Variants in ANKRD12 observed in about 807,000 individuals in gnomAD.
The protein encoded by ANKRD12 is ankyrin repeat domain 12, also known as ankyrin repeat domain-containing protein 12.
A neutral mutation model predicts 183.4 loss-of-function variants in ANKRD12; 85 were observed. The observed-to-expected ratio is 0.46, with a 90% confidence interval of 0.39 to 0.56. The LOEUF is 0.56. ANKRD12 is among the 20% of genes least tolerant of loss of function. The pLI is 0.00. For synonymous variants in ANKRD12, 914 were observed against 800.2 expected (o/e 1.14, Z -2.40); for missense variants, 2,405 against 2,357.1 (o/e 1.02, Z -0.42).
At chr18:9,155,463 T>TAC (rs1352798882) in intron 1 of ANKRD12, among the ~76,000 whole-genome samples, 4 of 152,258 alleles carry the variant, frequency 2.6e-5, no homozygotes, top group Admixed American at 2.0e-4. Flanking sequence ...TTTGTGTAAG[T>TAC]ACACCTGTAG....
At chr18:9,262,047 A>G (rs2038998542) in intron 9 of ANKRD12, among the ~76,000 whole-genome samples, 2 of 152,238 alleles carry the variant, frequency 1.3e-5, no homozygotes, top group Admixed American at 6.5e-5. Context: ...GGTCAGTTCC[A>G]GTAAGTTGTT....
chr18:9,255,523 CAA>C lies in ANKRD12; in HGVS notation c.2257_2258del (p.Lys753AspfsTer2). The C allele has an allele frequency of 1.3e-6, 2 of 1,569,926 alleles. No homozygotes were observed. The highest frequency in any genetic ancestry group is 1.7e-6 in the Non-Finnish European group (2 of 1,166,236). ...KERNFKEERD[K>X]IKKESEKSFR... ...AGAGGAACTTTAAAGAGGAACGAGA[CAA>C]GATTAAAAAGGAAAGCGAGAAATCT... On this transcript the variant is annotated frameshift_variant, in exon 9 of 13. Transcript: ENST00000262126. LOFTEE classifies it high-confidence loss of function.
chr18:9,214,989 C>T (rs1476717821), intron 6 of ANKRD12, among the ~76,000 whole-genome samples: 1 of 151,942 alleles, frequency 6.6e-6, no homozygotes, highest in African/African-American at 2.4e-5. Context: ...AATTTAACGC[C>T]AGCAAAGGAT....
rs1250244082 is a variant in ANKRD12, at chr18:9,256,636, A to G, written c.3369A>G (p.Lys1123=). ...RNCLELKIKD[K]EKTKHTPTES... The stretch of plus-strand genomic sequence containing the variant: ...GTTTAGAACTTAAAATAAAAGATAA[A>G]GAAAAAACAAAGCATACACCAACTG... The change falls in exon 9 of 13, where the codon AAA becomes AAG. Residue 1123 remains lysine, a synonymous_variant. Transcript: ENST00000262126. The G allele has an allele frequency of 1.2e-6, 2 of 1,606,732 alleles. No homozygotes were observed. Among genetic ancestry groups the G allele is most frequent in the South Asian group, 1.1e-5 (1 of 88,808 alleles).
chr18:9,219,008 A>G (rs2036271061), intron 7 of ANKRD12, among the ~76,000 whole-genome samples: 1 of 152,122 alleles, frequency 6.6e-6, no homozygotes, highest in Admixed American at 6.5e-5. Flanking sequence ...GTTCTATTTT[A>G]GATACGTATC....
At chr18:9,188,306 T>C (rs2034236910) in intron 2 of ANKRD12, among the ~76,000 whole-genome samples, 8 of 152,214 alleles carry the variant, frequency 5.3e-5, no homozygotes, top group Admixed American at 5.2e-4. Flanking sequence ...GCCTGAACTT[T>C]TCCCTAGAAG....
intron 3 of ANKRD12, 63 bp downstream of exon 3, chr18:9,195,761 T>C: frequency 1.6e-5 from 24 of 1,487,596 alleles, no homozygotes; most frequent in Non-Finnish European, 2.2e-5. Flanking sequence ...TTTTTGTTTC[T>C]TGTACACCAC....
In ANKRD12 at chr18:9,226,726, T is replaced by C. The variant is rs181752892; in HGVS notation, c.943+4727T>C. ...TTTACATCATCAAAGGAAGGAGATA[T>C]GGCCATATCTGCCTCCAGATGTGAT... On this transcript the variant is annotated intron_variant, in intron 8 of 12. Transcript: ENST00000262126. 2.8e-3 allele frequency among the ~76,000 whole-genome samples: 424 copies of C among 152,230 alleles called. 1 individual carries two copies. The highest frequency in any genetic ancestry group is 9.8e-3 in the African/African-American group (409 of 41,544).
At chr18:9,173,828 G>A (rs565188075) in intron 1 of ANKRD12, among the ~76,000 whole-genome samples, 146 of 152,340 alleles carry the variant, frequency 9.6e-4, no homozygotes, top group African/African-American at 3.5e-3. Flanking sequence ...ACTCTCCAGA[G>A]CCAGCCCGCT....
At chr18:9,239,223 A>G (rs1050470000) in intron 8 of ANKRD12, among the ~76,000 whole-genome samples, 2 of 152,234 alleles carry the variant, frequency 1.3e-5, no homozygotes, top group African/African-American at 2.4e-5. Context: ...CCCTCTGGAT[A>G]TTAAGAAATC....
At chr18:9,209,591 C>A (rs1227149929) in intron 5 of ANKRD12, among the ~76,000 whole-genome samples, 1 of 152,036 alleles carries the variant, frequency 6.6e-6, no homozygotes, top group African/African-American at 2.4e-5. Context: ...AAAGCATGAG[C>A]GTATCTAATA....
chr18:9,230,104 A>T (rs892628727), intron 8 of ANKRD12, among the ~76,000 whole-genome samples: 1 of 152,166 alleles, frequency 6.6e-6, no homozygotes, highest in African/African-American at 2.4e-5. Flanking sequence ...ATGCTTTGGT[A>T]GAATTCTGCA....
At chr18:9,215,708 T>C (rs904891426) in intron 6 of ANKRD12, among the ~76,000 whole-genome samples, 1 of 145,790 alleles carries the variant, frequency 6.9e-6, no homozygotes, top group Non-Finnish European at 1.5e-5. Context: ...CTGTGAAAGC[T>C]CTCTCCTCCT....
chr18:9,164,258 T>C lies in ANKRD12; in HGVS notation c.-51-18124T>C, dbSNP rs140527971. 1.4e-3 allele frequency among the ~76,000 whole-genome samples: 208 copies of C among 152,340 alleles called. 1 individual carries two copies. The highest frequency in any genetic ancestry group is 4.9e-3 in the African/African-American group (202 of 41,580). On this transcript the variant is annotated intron_variant, in intron 1 of 12. Coordinates refer to ENST00000262126, the MANE Select transcript of ANKRD12 (RefSeq NM_015208.5). ...GATGTTGAATTTTCTGAAGGCCTTT[T>C]CTGCATCTGTTGAGATAATCATGTG...
At position 9,257,780 on chromosome 18, in the gene ANKRD12, A is replaced by AT; in HGVS notation, c.4516dup (p.Ser1506PhefsTer2). ...CCAATCACTTTCAGATGCTGAATCG[A>AT]TTTCTAAACATATGTCTTTGTCATA... On this transcript the variant is annotated frameshift_variant, in exon 9 of 13. Coordinates refer to ENST00000262126, the MANE Select transcript of ANKRD12 (RefSeq NM_015208.5). LOFTEE classifies it high-confidence loss of function. The AT allele has an allele frequency of 6.2e-7, 1 of 1,613,998 alleles. No homozygotes were observed. The highest frequency in any genetic ancestry group is 8.5e-7 in the Non-Finnish European group (1 of 1,179,982).
chr18:9,160,075 G>A (rs954254616), intron 1 of ANKRD12, among the ~76,000 whole-genome samples: 22 of 152,038 alleles, frequency 1.4e-4, no homozygotes, highest in African/African-American at 4.6e-4. Flanking sequence ...TTTGAGACCA[G>A]CCTGGGCAAC....
chr18:9,258,399 G>C lies in ANKRD12; in HGVS notation c.5132G>C (p.Gly1711Ala), dbSNP rs1364149678. 1 of 1,613,712 alleles carries C rather than the reference G, an allele frequency of 6.2e-7. No homozygotes were observed. Among genetic ancestry groups the C allele is most frequent in the Non-Finnish European group, 8.5e-7 (1 of 1,179,924 alleles). The change falls in exon 9 of 13, where the codon GGT (glycine) becomes GCT (alanine). Residue 1711 changes from glycine to alanine, a missense_variant. Physicochemically the swap from Gly to Ala is moderately conservative, Grantham distance 60 (BLOSUM62 0). Around this residue, in one of 7 missense-constraint regions of ANKRD12, gnomAD observed 1,983 missense variants for 1,725.9 expected, o/e 1.15. Coordinates refer to ENST00000262126, the MANE Select transcript of ANKRD12 (RefSeq NM_015208.5). ...QSTQPEMHKY[G>A]QLVKVELEEN... ...ACTCAACCAGAAATGCATAAATATG[G>C]TCAGTTAGTTAAAGTAGAATTAGAA...
At chr18:9,177,035 A>C (rs1395246306) in intron 1 of ANKRD12, among the ~76,000 whole-genome samples, 2 of 152,250 alleles carry the variant, frequency 1.3e-5, no homozygotes, top group Non-Finnish European at 2.9e-5. Flanking sequence ...AACATCTTCG[A>C]AGGCAGAATA....
chr18:9,254,083 C>T, intron 8 of ANKRD12, 128 bp from the exon 9 acceptor site: 1 of 1,072,788 alleles, frequency 9.3e-7, no homozygotes, highest in Non-Finnish European at 1.2e-6. Flanking sequence ...CCATATAAAT[C>T]TGAAGTGATT....
Sources: allele counts gnomAD v4.1 joint callset (sites outside exome capture counted in the v4.1 genomes callset), GRCh38; gene constraint gnomAD v4.1.1; regional missense constraint gnomAD v4.1.1; transcripts MANE v1.5; gene names NCBI Gene and HGNC (gene_info 2026-07-23, HGNC 2026-07-21).